CLVS1: variants seen among roughly 807,000 people sequenced by gnomAD.
The protein encoded by CLVS1 is clavesin-1.
A neutral mutation model predicts 33.1 loss-of-function variants in CLVS1; 10 were observed. The ratio of observed to expected loss-of-function variants is 0.30; its 90% CI spans 0.19 to 0.51. CLVS1 has a LOEUF of 0.51. Ranked by LOEUF, CLVS1 falls within the 20% of genes least tolerant of loss-of-function variation. CLVS1 has a pLI of 0.97. For synonymous variants in CLVS1, 163 were observed against 166.1 expected (o/e 0.98, Z 0.14); for missense variants, 343 against 433.4 (o/e 0.79, Z 1.85).
chr8:60,982,910 C>T, the CLVS1 span, among the ~76,000 whole-genome samples: 2 of 152,142 alleles, frequency 1.3e-5, no homozygotes, highest in Admixed American at 1.3e-4. Context: ...CTGTACTTAG[C>T]CTGGGTGACA....
the CLVS1 span, among the ~76,000 whole-genome samples, chr8:61,045,625 A>G: frequency 6.6e-6 from 1 of 152,224 alleles, no homozygotes; most frequent in African/African-American, 2.4e-5. Context: ...TGTAGCTAAT[A>G]TACCTAGACG....
At chr8:61,473,501 T>G (rs1288540156) in intron 5 of CLVS1, among the ~76,000 whole-genome samples, 6 of 152,128 alleles carry the variant, frequency 3.9e-5, no homozygotes, top group Non-Finnish European at 4.4e-5. Context: ...TTCAGAAAAG[T>G]TTTTGCAAAT....
intron 3 of CLVS1, among the ~76,000 whole-genome samples, chr8:61,416,904 A>C (rs1815460299): frequency 6.6e-6 from 1 of 152,126 alleles, no homozygotes; most frequent in African/African-American, 2.4e-5. Flanking sequence ...AGAATTCTAG[A>C]GAGTTTGAGA....
chr8:61,315,190 C>T (rs1810969572), intron 2 of CLVS1, among the ~76,000 whole-genome samples: 1 of 152,294 alleles, frequency 6.6e-6, no homozygotes, highest in African/African-American at 2.4e-5. Flanking sequence ...CAGAAAGAGA[C>T]TTGTATCTTC....
intron 2 of CLVS1, among the ~76,000 whole-genome samples, chr8:61,261,994 G>GTGTGTGTGTA (rs1554551262): frequency 7.4e-6 from 1 of 134,250 alleles, no homozygotes; most frequent in African/African-American, 2.9e-5. Flanking sequence ...GTGTGTGTGT[G>GTGTGTGTGTA]TGTGTGTGTG....
At chr8:61,054,462 G>C (rs1804441725), upstream of CLVS1, among the ~76,000 whole-genome samples, 1 of 152,212 alleles carries the variant, frequency 6.6e-6, no homozygotes, top group South Asian at 2.1e-4. Context: ...GGGGAAAGCA[G>C]ACCAAGTAAT....
At chr8:61,024,156 T>G in the CLVS1 span, among the ~76,000 whole-genome samples, 1 of 152,208 alleles carries the variant, frequency 6.6e-6, no homozygotes, top group Non-Finnish European at 1.5e-5. Context: ...AATTTTGTCA[T>G]GTGTTATGTT....
chr8:61,475,870 C>A (rs1035785771), intron 5 of CLVS1, among the ~76,000 whole-genome samples: 4 of 152,114 alleles, frequency 2.6e-5, no homozygotes, highest in Non-Finnish European at 5.9e-5. Context: ...AAGTCCTTGC[C>A]CATGTGTATG....
At chr8:61,301,485 T>C (rs939538121) in intron 2 of CLVS1, among the ~76,000 whole-genome samples, 1 of 152,190 alleles carries the variant, frequency 6.6e-6, no homozygotes, top group Non-Finnish European at 1.5e-5. Context: ...CTGTTTATGT[T>C]TCTACTAATG....
At chr8:61,390,838 C>G (rs1041634450) in intron 3 of CLVS1, among the ~76,000 whole-genome samples, 3 of 152,096 alleles carry the variant, frequency 2.0e-5, no homozygotes, top group African/African-American at 7.2e-5. Flanking sequence ...CTTAAATTTA[C>G]AAGTGTTTAT....
chr8:61,223,140 G>C (rs1808255528), intron 2 of CLVS1, among the ~76,000 whole-genome samples: 1 of 152,044 alleles, frequency 6.6e-6, no homozygotes, highest in African/African-American at 2.4e-5. Flanking sequence ...CAATTTGCCA[G>C]TCTGTGTCTT....
chr8:60,977,532 A>G, the CLVS1 span, among the ~76,000 whole-genome samples: 1 of 152,206 alleles, frequency 6.6e-6, no homozygotes, highest in Non-Finnish European at 1.5e-5. Context: ...AAAAGTTGAA[A>G]AGTGCAAAAA....
intron 1 of CLVS1, among the ~76,000 whole-genome samples, chr8:61,098,017 G>T (rs914319183): frequency 2.6e-5 from 4 of 152,124 alleles, no homozygotes; most frequent in African/African-American, 9.7e-5. Flanking sequence ...AAATTATCCA[G>T]GTATGATGTC....
At chr8:61,094,378 A>C (rs1407441908) in intron 1 of CLVS1, among the ~76,000 whole-genome samples, 3 of 152,222 alleles carry the variant, frequency 2.0e-5, no homozygotes, top group African/African-American at 7.2e-5. Flanking sequence ...GATGAAGACC[A>C]CAGCTAGGAA....
the CLVS1 span, among the ~76,000 whole-genome samples, chr8:60,993,809 A>T: frequency 6.6e-6 from 1 of 152,202 alleles, no homozygotes; most frequent in Non-Finnish European, 1.5e-5. Flanking sequence ...TGGGGCAGGC[A>T]AGTTTTTGTC....
intron 3 of CLVS1, among the ~76,000 whole-genome samples, chr8:61,416,305 G>C (rs13279725): frequency 0.2 from 21,271 of 106,520 alleles, 1,665 homozygotes; most frequent in East Asian, 0.31. Context: ...TAGCTAGCTA[G>C]ATACATACAT....
At chr8:61,081,741 C>T (rs532669164) in intron 1 of CLVS1, among the ~76,000 whole-genome samples, 5 of 152,338 alleles carry the variant, frequency 3.3e-5, no homozygotes, top group Admixed American at 2.0e-4. Flanking sequence ...ACAACTCTTT[C>T]TAGATCCATG....
At chr8:61,494,076 T>G (rs1389383540) in intron 5 of CLVS1, among the ~76,000 whole-genome samples, 1 of 152,194 alleles carries the variant, frequency 6.6e-6, no homozygotes, top group African/African-American at 2.4e-5. Flanking sequence ...AAAGTAGACC[T>G]GAGAGCAGAA....
At chr8:61,262,006 G>A (rs964357439) in intron 2 of CLVS1, among the ~76,000 whole-genome samples, 1 of 151,498 alleles carries the variant, frequency 6.6e-6, no homozygotes, top group Non-Finnish European at 1.5e-5. Context: ...GTGTGTGTGT[G>A]TGTGTGTGTG....
Sources: gnomAD v4.1 joint callset for allele counts (sites outside exome capture counted in the v4.1 genomes callset) on GRCh38, gnomAD v4.1.1 for gene constraint, MANE v1.5 for transcripts, NCBI Gene and HGNC (gene_info 2026-07-23, HGNC 2026-07-21) for gene names.